The following SUSD6 variants were observed in gnomAD, a reference collection of about 807,000 sequenced individuals.
The protein encoded by SUSD6 is sushi domain-containing protein 6.
In SUSD6, 16 loss-of-function variants were observed where a neutral mutation model predicts 28.4. The observed-to-expected ratio is 0.56, with a 90% CI of 0.38 to 0.86. SUSD6 has a LOEUF of 0.86. SUSD6 is among the 40% of genes least tolerant of loss of function. The pLI is 0.00. For synonymous variants in SUSD6, 147 were observed against 159.6 expected, an observed-to-expected ratio of 0.92 and a Z score of 0.59; for missense variants, 341 against 384.2, an observed-to-expected ratio of 0.89 and a Z score of 0.94.
Position 69,714,402 on chromosome 14 carries a change from A to G in SUSD6, c.*3423A>G, listed in dbSNP as rs1274726424. On this transcript the variant is annotated 3_prime_UTR_variant, in exon 6 of 6. Coordinates refer to ENST00000342745, the MANE Select transcript of SUSD6 (RefSeq NM_014734.4). ...GGAACATCCTTGCGTAGAGAATGAA[A>G]TATGCTGCAATCATTTCTGCATCCT... The G allele has an allele frequency of 6.6e-6, 1 of 152,112 alleles. No homozygotes were observed. The highest frequency in any genetic ancestry group is 2.4e-5 in the African/African-American group (1 of 41,402). The allele number at this position is 152,112 out of a possible 1,614,324, so 9.4% of individuals were successfully genotyped here.
At chr14:69,682,378 A>C (rs546322272) in intron 2 of SUSD6, among the ~76,000 whole-genome samples, 2 of 152,286 alleles carry the variant, frequency 1.3e-5, no homozygotes, top group Admixed American at 6.5e-5. Flanking sequence ...ACAAGAAGTA[A>C]TTAGGTAAGC....
chr14:69,695,080 A>G (rs1372903860), intron 2 of SUSD6, among the ~76,000 whole-genome samples: 2 of 152,038 alleles, frequency 1.3e-5, no homozygotes, highest in Non-Finnish European at 2.9e-5. Flanking sequence ...CTGACTGGAC[A>G]ATAGGCTTCC....
At chr14:69,646,700 C>CTTTTTTTTTTTTTTTTTTTTTTT (rs61409476) in intron 1 of SUSD6, among the ~76,000 whole-genome samples, 1 of 109,220 alleles carries the variant, frequency 9.2e-6, no homozygotes, top group African/African-American at 3.5e-5. Flanking sequence ...TTTTTTCCAT[C>CTTTTTTTTTTTTTTTTTTTTTTT]TTTTTTTTTT....
At chr14:69,654,765 C>T (rs1356380656) in intron 1 of SUSD6, among the ~76,000 whole-genome samples, 1 of 143,912 alleles carries the variant, frequency 6.9e-6, no homozygotes, top group Non-Finnish European at 1.5e-5. Flanking sequence ...CATTAGTTAC[C>T]AATTTCTTTT....
intron 2 of SUSD6, among the ~76,000 whole-genome samples, chr14:69,683,478 A>G (rs1464906329): frequency 6.6e-6 from 1 of 152,188 alleles, no homozygotes; most frequent in Non-Finnish European, 1.5e-5. Context: ...TTCCTGTAAA[A>G]GAGAGCACTA....
At chr14:69,699,619 GC>G (rs1886284518) in intron 2 of SUSD6, among the ~76,000 whole-genome samples, 2 of 150,948 alleles carry the variant, frequency 1.3e-5, no homozygotes, top group Admixed American at 1.3e-4. Flanking sequence ...ACATACTTCA[GC>G]TTTTTTCTTT....
At chr14:69,683,830 G>A (rs1178014784) in intron 2 of SUSD6, among the ~76,000 whole-genome samples, 1 of 152,242 alleles carries the variant, frequency 6.6e-6, no homozygotes, top group African/African-American at 2.4e-5. Flanking sequence ...CAGGTGGGCT[G>A]CAGGAAGGAG....
At chr14:69,630,320 T>C (rs1885175012) in intron 1 of SUSD6, among the ~76,000 whole-genome samples, 1 of 152,054 alleles carries the variant, frequency 6.6e-6, no homozygotes, top group Non-Finnish European at 1.5e-5. Flanking sequence ...AGGTGGTCTC[T>C]CTCCCCCAAG....
At chr14:69,686,285 A>G (rs1886072160) in intron 2 of SUSD6, among the ~76,000 whole-genome samples, 1 of 152,216 alleles carries the variant, frequency 6.6e-6, no homozygotes, top group Admixed American at 6.5e-5. Flanking sequence ...TCTAAAAGGC[A>G]GGCTATAATT....
chr14:69,631,176 G>A (rs948293044), intron 1 of SUSD6, among the ~76,000 whole-genome samples: 1 of 152,128 alleles, frequency 6.6e-6, no homozygotes, highest in Non-Finnish European at 1.5e-5. Flanking sequence ...GCCCTCACAT[G>A]TGCATGTTCA....
chr14:69,617,106 T>C (rs182649443), intron 1 of SUSD6: 5 of 152,262 alleles, frequency 3.3e-5, no homozygotes, highest in African/African-American at 4.8e-5. Flanking sequence ...TGTTTTACCA[T>C]GTATCAGTAC....
chr14:69,658,753 A>G (rs866795980), intron 2 of SUSD6, 40 bp downstream of exon 2: 14 of 1,612,878 alleles, frequency 8.7e-6, no homozygotes, highest in Middle Eastern at 3.3e-4. Flanking sequence ...GTGGGAAAAT[A>G]TTTAATACCA....
intron 1 of SUSD6, among the ~76,000 whole-genome samples, chr14:69,650,752 TTTGTTG>T (rs138694940): frequency 0.043 from 6,531 of 152,010 alleles, 191 homozygotes; most frequent in Non-Finnish European, 0.065. Flanking sequence ...GAGGCTGGGT[TTTGTTG>T]TTGTTGTTGT....
At chr14:69,682,715 G>A (rs1440637059) in intron 2 of SUSD6, among the ~76,000 whole-genome samples, 5 of 152,172 alleles carry the variant, frequency 3.3e-5, no homozygotes, top group African/African-American at 1.2e-4. Context: ...GAAAGAGAAA[G>A]TGGGAGGGTG....
At chr14:69,675,424 A>G (rs1885892986) in intron 2 of SUSD6, among the ~76,000 whole-genome samples, 1 of 152,192 alleles carries the variant, frequency 6.6e-6, no homozygotes, top group Non-Finnish European at 1.5e-5. Flanking sequence ...GTGGACGTCC[A>G]GAGGACTAGG....
intron 1 of SUSD6, among the ~76,000 whole-genome samples, chr14:69,628,117 GA>G (rs950053226): frequency 2.6e-5 from 4 of 151,998 alleles, no homozygotes; most frequent in Non-Finnish European, 5.9e-5. Context: ...ATTTTTAGTA[GA>G]GACGGGGTTT....
intron 1 of SUSD6, among the ~76,000 whole-genome samples, chr14:69,625,397 G>A (rs773056380): frequency 3.3e-5 from 5 of 152,240 alleles, no homozygotes; most frequent in Non-Finnish European, 7.3e-5. Context: ...GCACAGGGTA[G>A]TGGGTGACTT....
intron 4 of SUSD6, among the ~76,000 whole-genome samples, chr14:69,708,104 T>C (rs1221213207): frequency 1.3e-5 from 2 of 152,270 alleles, no homozygotes; most frequent in African/African-American, 4.8e-5. Context: ...GCAGTATGGC[T>C]GAGTCAGAAC....
chr14:69,677,067 C>T (rs1348774534), intron 2 of SUSD6, among the ~76,000 whole-genome samples: 1 of 152,104 alleles, frequency 6.6e-6, no homozygotes, highest in African/African-American at 2.4e-5. Flanking sequence ...GAGAAGAGGA[C>T]TAAGAGTGTT....
Sources: allele counts gnomAD v4.1 joint callset (sites outside exome capture counted in the v4.1 genomes callset), GRCh38; gene constraint gnomAD v4.1.1; transcripts MANE v1.5; gene names NCBI Gene and HGNC (gene_info 2026-07-23, HGNC 2026-07-21).